MEIKIN: variants seen among roughly 807,000 people sequenced by gnomAD.
MEIKIN encodes the protein meiotic kinetochore factor, also known as meiosis-specific kinetochore protein.
At chr5:131,922,081 A>T (rs550924278) in intron 5 of MEIKIN, 140 bp from the exon 6 acceptor site, 1 of 392,354 alleles carries the variant, frequency 2.5e-6, no homozygotes, top group South Asian at 1.4e-4. Context: ...GACAGAAAAA[A>T]ATAAGCCTTG....
At chr5:131,818,605 T>G (rs1434821544) in intron 12 of MEIKIN, 135 bp downstream of exon 12, 1 of 355,818 alleles carries the variant, frequency 2.8e-6, no homozygotes, top group Non-Finnish European at 5.0e-6. Context: ...CTTTTATAAT[T>G]TTACCATTTC....
At chr5:131,920,239 G>T (rs189915403) in intron 6 of MEIKIN, among the ~76,000 whole-genome samples, 40 of 152,120 alleles carry the variant, frequency 2.6e-4, no homozygotes, top group Admixed American at 9.8e-4. Context: ...AAATATCCAT[G>T]AGTCTACACT....
At chr5:131,850,826 G>A (rs756483065) in intron 11 of MEIKIN, among the ~76,000 whole-genome samples, 16 of 152,044 alleles carry the variant, frequency 1.1e-4, no homozygotes, top group Non-Finnish European at 1.9e-4. Context: ...TGCAGTCCTA[G>A]CTATTCGAGA....
chr5:131,848,634 A>G (rs1750059053), intron 11 of MEIKIN, among the ~76,000 whole-genome samples: 1 of 152,202 alleles, frequency 6.6e-6, no homozygotes, highest in East Asian at 1.9e-4. Context: ...TAACTTTCCA[A>G]GAAGAGAAAG....
intron 8 of MEIKIN, among the ~76,000 whole-genome samples, chr5:131,910,478 T>C (rs1337078740): frequency 3.3e-5 from 5 of 151,640 alleles, no homozygotes; most frequent in Non-Finnish European, 5.9e-5. Context: ...GGTTAATGGG[T>C]ACAAAAAAAT....
rs1365781974 is a variant in MEIKIN at position 131,880,242 on chromosome 5, A to G, written c.704-1194T>C. ...GTAGCTGGGATTACAGGTGCCTGCCACCACACCAGGCTAATTTTTGTATTT... is the reference window on the plus strand; with the variant it reads ...GTAGCTGGGATTACAGGTGCCTGCCGCCACACCAGGCTAATTTTTGTATTT... On this transcript the variant is annotated intron_variant, in intron 8 of 12. Transcript: ENST00000442687. 3.4e-5 allele frequency among the ~76,000 whole-genome samples: 5 copies of G among 147,696 alleles called. No homozygotes were observed. The East Asian group carries it at 7.9e-4, about 23-fold the overall frequency.
intron 9 of MEIKIN, among the ~76,000 whole-genome samples, chr5:131,865,847 G>A (rs1037794239): frequency 6.6e-6 from 1 of 152,258 alleles, no homozygotes; most frequent in South Asian, 2.1e-4. Context: ...GCATGTGGTT[G>A]TTAGTGGAGG....
chr5:131,841,226 A>G (rs1197418798), intron 11 of MEIKIN, among the ~76,000 whole-genome samples: 4 of 152,030 alleles, frequency 2.6e-5, no homozygotes, highest in African/African-American at 9.7e-5. Context: ...ACTGGGTGAG[A>G]GTGGTTGCGG....
At chr5:131,913,153 T>C (rs996365213) in intron 7 of MEIKIN, among the ~76,000 whole-genome samples, 3 of 152,222 alleles carry the variant, frequency 2.0e-5, no homozygotes, top group Admixed American at 6.5e-5. Flanking sequence ...ACCGGAGCTC[T>C]CTCACTTGCT....
intron 11 of MEIKIN, among the ~76,000 whole-genome samples, chr5:131,847,006 G>A (rs747344588): frequency 6.6e-6 from 1 of 152,082 alleles, no homozygotes; most frequent in Non-Finnish European, 1.5e-5. Context: ...ACTTCAGACT[G>A]CTAAAGGTAA....
At chr5:131,812,304 T>C (rs533034871) in intron 12 of MEIKIN, among the ~76,000 whole-genome samples, 1 of 152,354 alleles carries the variant, frequency 6.6e-6, no homozygotes, top group East Asian at 1.9e-4. Context: ...AGTTGATCCA[T>C]TTTACTTAAT....
At chr5:131,876,101 T>C (rs896547977) in intron 9 of MEIKIN, among the ~76,000 whole-genome samples, 1 of 152,092 alleles carries the variant, frequency 6.6e-6, no homozygotes, top group Admixed American at 6.5e-5. Flanking sequence ...ACTTCATGTC[T>C]AAAACACCAG....
chr5:131,807,699 G>C (rs1033119563), intron 12 of MEIKIN, among the ~76,000 whole-genome samples: 1 of 152,188 alleles, frequency 6.6e-6, no homozygotes, highest in African/African-American at 2.4e-5. Flanking sequence ...TTGAACCCAG[G>C]TTCCATCCCG....
At chr5:131,848,579 G>T (rs948889879) in intron 11 of MEIKIN, among the ~76,000 whole-genome samples, 1 of 152,042 alleles carries the variant, frequency 6.6e-6, no homozygotes, top group Admixed American at 6.6e-5. Flanking sequence ...TGCCTTCCCT[G>T]GTGAATTCTA....
chr5:131,895,492 A>T (rs1462228164), intron 8 of MEIKIN, among the ~76,000 whole-genome samples: 7 of 152,188 alleles, frequency 4.6e-5, no homozygotes, highest in South Asian at 4.1e-4. Flanking sequence ...CCTCTGGTAG[A>T]ATTCAACTGG....
At position 131,874,128 on chromosome 5, in the gene MEIKIN, A is replaced by G. The variant is rs185478513; in HGVS notation, c.774+4850T>C. Among the ~76,000 whole-genome samples the G allele has an allele frequency of 4.7e-3, 714 of 152,360 alleles. 8 individuals carry two copies. Among genetic ancestry groups the G allele is most frequent in the African/African-American group, 0.016 (675 of 41,592 alleles). On this transcript the variant is annotated intron_variant, in intron 9 of 12. Transcript: ENST00000442687. ...ACACATTCAAAAGCTAGCAGAAGGCAAGAAATAACTAAGATCAGAGCAGAA... is the reference window on the plus strand; with the variant it reads ...ACACATTCAAAAGCTAGCAGAAGGCGAGAAATAACTAAGATCAGAGCAGAA...
intron 11 of MEIKIN, among the ~76,000 whole-genome samples, chr5:131,830,396 G>A (rs1749695476): frequency 1.3e-5 from 2 of 152,028 alleles, no homozygotes; most frequent in South Asian, 4.1e-4. Context: ...GATCCTGTCT[G>A]AAAGAAAAAG....
At chr5:131,896,407 G>C (rs544631851) in intron 8 of MEIKIN, among the ~76,000 whole-genome samples, 1 of 152,150 alleles carries the variant, frequency 6.6e-6, no homozygotes, top group African/African-American at 2.4e-5. Flanking sequence ...AGGTCTGCTT[G>C]GTGCAGAGCT....
intron 5 of MEIKIN, among the ~76,000 whole-genome samples, chr5:131,926,531 G>A (rs1039998418): frequency 2.6e-5 from 4 of 152,126 alleles, no homozygotes; most frequent in African/African-American, 9.7e-5. Flanking sequence ...TTTAGTATGA[G>A]GGTAATGCTG....
Sources: allele counts gnomAD v4.1 joint callset (sites outside exome capture counted in the v4.1 genomes callset), GRCh38; gene constraint gnomAD v4.1.1; transcripts MANE v1.5; gene names NCBI Gene and HGNC (gene_info 2026-07-23, HGNC 2026-07-21).